The following TTLL11 variants were observed in gnomAD, a reference collection of about 807,000 sequenced individuals.
TTLL11 encodes tubulin tyrosine ligase like 11.
TTLL11 carries 42 observed loss-of-function variants against 51.7 expected under a neutral mutation model. The ratio of observed to expected loss-of-function variants is 0.81; its 90% CI spans 0.64 to 1.05. The LOEUF (loss-of-function observed/expected upper bound fraction) is 1.05, where lower values mean the gene tolerates loss of function less well. Ranked by LOEUF, TTLL11 falls within the 50% of genes least tolerant of loss-of-function variation. The pLI, the probability that TTLL11 is intolerant of heterozygous loss-of-function variation, is 0.00. For synonymous variants in TTLL11, 381 were observed against 383.5 expected, an observed-to-expected ratio of 0.99 and a Z score of 0.08; for missense variants, 799 against 940.4, an observed-to-expected ratio of 0.85 and a Z score of 1.97.
rs146264084 is a variant in TTLL11 at position 122,085,990 on chromosome 9, G to A, written c.462+6697C>T. Among the ~76,000 whole-genome samples the A allele has an allele frequency of 3.9e-4, 59 of 152,262 alleles. 1 individual carries two copies. The highest frequency in any genetic ancestry group is 1.1e-3 in the African/African-American group (44 of 41,568). On this transcript the variant is annotated intron_variant, in intron 1 of 8. Coordinates refer to ENST00000321582, the MANE Select transcript of TTLL11 (RefSeq NM_001139442.2). ...CAGTGGTCGATTACTTTTACAATAC[G>A]TTCAAGAACAGATTTAAATAAAAAA...
chr9:121,854,081 C>T (rs1837745851), intron 8 of TTLL11, among the ~76,000 whole-genome samples: 2 of 152,114 alleles, frequency 1.3e-5, no homozygotes, highest in South Asian at 2.1e-4. Context: ...CCACTTTACA[C>T]CTGATGAACT....
intron 6 of TTLL11, among the ~76,000 whole-genome samples, chr9:121,931,322 G>A (rs1250150638): frequency 6.6e-6 from 1 of 152,220 alleles, no homozygotes; most frequent in East Asian, 1.9e-4. Context: ...AGAAGATGGA[G>A]GAAGCTAAGT....
rs781584374 is a variant in TTLL11 at position 121,816,790 on chromosome 9, G to A, written c.*5797C>T. 1 of 152,194 alleles carries A rather than the reference G, an allele frequency of 6.6e-6. No individual in the cohort carries two copies. Among genetic ancestry groups the A allele is most frequent in the Admixed American group, 6.5e-5 (1 of 15,276 alleles). The allele number at this position is 152,194 out of a possible 1,614,324, so 9.4% of individuals were successfully genotyped here. On this transcript the variant is annotated 3_prime_UTR_variant, in exon 9 of 9. Coordinates refer to ENST00000321582, the MANE Select transcript of TTLL11 (RefSeq NM_001139442.2). ...TAAAAATCAAGACTTTTGGCTACTA[G>A]AGATAAAGGTAAATGAAGACGTGGC...
intron 6 of TTLL11, among the ~76,000 whole-genome samples, chr9:121,888,379 T>C (rs1428867290): frequency 6.6e-6 from 1 of 152,224 alleles, no homozygotes; most frequent in Non-Finnish European, 1.5e-5. Flanking sequence ...TGTGGCTTGT[T>C]CAAGGTTTCC....
chr9:121,826,502 T>TACAC (rs1491493124), intron 8 of TTLL11, among the ~76,000 whole-genome samples: 4 of 45,064 alleles, frequency 8.9e-5, no homozygotes, highest in African/African-American at 3.4e-4. Context: ...TATGTGTGTG[T>TACAC]ATATATATAT....
At chr9:121,826,804 T>G (rs1433106810) in intron 8 of TTLL11, among the ~76,000 whole-genome samples, 1 of 151,780 alleles carries the variant, frequency 6.6e-6, no homozygotes, top group Non-Finnish European at 1.5e-5. Context: ...AAAGTGGGCA[T>G]GACAGTGGGG....
chr9:121,943,375 C>T (rs1841561776), intron 6 of TTLL11, among the ~76,000 whole-genome samples: 1 of 152,116 alleles, frequency 6.6e-6, no homozygotes, highest in Non-Finnish European at 1.5e-5. Flanking sequence ...TTTGTTGCAT[C>T]AATAACTGAA....
intron 6 of TTLL11, among the ~76,000 whole-genome samples, chr9:121,928,178 G>C (rs1050733981): frequency 6.6e-6 from 1 of 152,180 alleles, no homozygotes; most frequent in Non-Finnish European, 1.5e-5. Flanking sequence ...TTCTGTTTCA[G>C]AACCACCTGT....
At chr9:121,915,990 TACACACACAC>T (rs59554930) in intron 6 of TTLL11, among the ~76,000 whole-genome samples, 4,608 of 134,242 alleles carry the variant, frequency 0.034, 102 homozygotes, top group Admixed American at 0.05. Context: ...GACACACACA[TACACACACAC>T]ACACACACAC....
At chr9:122,091,501 G>A (rs966894136) in intron 1 of TTLL11, among the ~76,000 whole-genome samples, 6 of 152,190 alleles carry the variant, frequency 3.9e-5, no homozygotes, top group Admixed American at 3.9e-4. Context: ...CCTGGAAGTC[G>A]GTTCTGCCTG....
At chr9:121,953,355 A>G (rs1431799923) in intron 6 of TTLL11, among the ~76,000 whole-genome samples, 4 of 152,184 alleles carry the variant, frequency 2.6e-5, no homozygotes. Flanking sequence ...CAAAGCAGCC[A>G]GGCACTGTGG....
At chr9:122,067,316 A>G (rs1335205564) in intron 1 of TTLL11, among the ~76,000 whole-genome samples, 5 of 152,220 alleles carry the variant, frequency 3.3e-5, no homozygotes, top group Non-Finnish European at 5.9e-5. Context: ...CAAAAACAAA[A>G]GAGGCACTTT....
intron 8 of TTLL11, among the ~76,000 whole-genome samples, chr9:121,858,555 C>T (rs1450094836): frequency 9.8e-5 from 15 of 152,294 alleles, no homozygotes; most frequent in Admixed American, 2.6e-4. Flanking sequence ...GATGTCTGAG[C>T]GCCAGTGCCC....
chr9:121,888,615 C>T lies in TTLL11; in HGVS notation c.1482-17867G>A, dbSNP rs146764504. On this transcript the variant is annotated intron_variant, in intron 6 of 8. Coordinates refer to ENST00000321582, the MANE Select transcript of TTLL11 (RefSeq NM_001139442.2). ...GGCTGAATCAGTCCCCTTTGTAAAA[C>T]GAATAAATTAGACACAGACACATTA... 1.5e-3 allele frequency among the ~76,000 whole-genome samples: 235 copies of T among 152,310 alleles called. 1 individual carries two copies. Among genetic ancestry groups the T allele is most frequent in the African/African-American group, 4.9e-3 (203 of 41,554 alleles).
At chr9:121,891,194 A>T (rs1839218280) in intron 6 of TTLL11, among the ~76,000 whole-genome samples, 2 of 152,196 alleles carry the variant, frequency 1.3e-5, no homozygotes, top group African/African-American at 4.8e-5. Context: ...CCTTGCTCAC[A>T]CTGGGATTCT....
In TTLL11 at chr9:121,822,183, G is replaced by A. The variant is rs1005105073; in HGVS notation, c.*404C>T. On this transcript the variant is annotated 3_prime_UTR_variant, in exon 9 of 9. Coordinates refer to ENST00000321582, the MANE Select transcript of TTLL11 (RefSeq NM_001139442.2). This position sits in a 1 kb window ranked among gnomAD's most constrained non-coding sequence, Gnocchi z 5.8. ...TGTTCTCAGGCTTTTCCCGGTGGGCGCGTGGAGGCCCCGGCAGCAGATCCT... is the reference window on the plus strand; with the variant it reads ...TGTTCTCAGGCTTTTCCCGGTGGGCACGTGGAGGCCCCGGCAGCAGATCCT... 2.8e-4 allele frequency: 43 copies of A among 154,938 alleles called. No homozygotes were observed. The Middle Eastern group carries it at 0.016, about 57-fold the overall frequency. 9.6% of individuals were successfully genotyped at this position (154,938 alleles called of 1,614,324 possible).
rs1843061720 is a variant in TTLL11 at position 121,989,870 on chromosome 9, G to C, written c.694-100C>G. ...CAAATGTGTGGTGAATGAGTGACAAGATGATCCCTGCCGATCTGAGCAGGG... is the reference window on the plus strand; with the variant it reads ...CAAATGTGTGGTGAATGAGTGACAACATGATCCCTGCCGATCTGAGCAGGG... On this transcript the variant is annotated intron_variant, in intron 3 of 8. Coordinates refer to ENST00000321582, the MANE Select transcript of TTLL11 (RefSeq NM_001139442.2). The surrounding 1 kb of genome is among the most constrained non-coding windows in gnomAD (Gnocchi z 4.2). 6.6e-7 allele frequency: 1 copy of C among 1,508,562 alleles called. No homozygotes were observed. Among genetic ancestry groups the C allele is most frequent in the Middle Eastern group, 1.9e-4 (1 of 5,190 alleles). The allele number at this position is 1,508,562 out of a possible 1,614,324, so 93.4% of individuals were successfully genotyped here. A position where few individuals can be genotyped will look rare whatever the true frequency, so the allele number is the denominator to read the frequency against.
intron 1 of TTLL11, among the ~76,000 whole-genome samples, chr9:122,081,643 C>G (rs1200044215): frequency 6.6e-6 from 1 of 152,202 alleles, no homozygotes. Context: ...TATTTCACAG[C>G]ACCTGAAGGC....
intron 1 of TTLL11, among the ~76,000 whole-genome samples, chr9:122,084,665 A>G (rs1846078533): frequency 6.6e-6 from 1 of 152,194 alleles, no homozygotes; most frequent in Non-Finnish European, 1.5e-5. Context: ...CACCAGAGGG[A>G]AAGTCAAACC....
Sources: gnomAD v4.1 joint callset for allele counts (sites outside exome capture counted in the v4.1 genomes callset) on GRCh38, gnomAD v4.1.1 for gene constraint, Gnocchi (gnomAD v3.1) non-coding constraint, MANE v1.5 for transcripts, NCBI Gene and HGNC (gene_info 2026-07-23, HGNC 2026-07-21) for gene names.